The following SRRM4 variants were observed in gnomAD, a reference collection of about 807,000 sequenced individuals.
The protein encoded by SRRM4 is serine/arginine repetitive matrix 4, also known as serine/arginine repetitive matrix protein 4.
Under a neutral mutation model 68.9 loss-of-function variants are expected in SRRM4, and 33 were observed. That is an observed-to-expected ratio of 0.48 (90% CI 0.36 to 0.64). SRRM4 has a LOEUF of 0.64. Among genes scored for constraint, SRRM4 ranks in the 30% least tolerant of loss-of-function variants. SRRM4 has a pLI of 0.00. For missense variants in SRRM4, 817 were observed against 827.1 expected, an observed-to-expected ratio of 0.99 and a Z score of 0.15; for synonymous variants, 318 against 318.8, an observed-to-expected ratio of 1.00 and a Z score of 0.03.
chr12:119,105,610 A>G (rs1281518396), intron 2 of SRRM4, among the ~76,000 whole-genome samples: 1 of 152,140 alleles, frequency 6.6e-6, no homozygotes, highest in Non-Finnish European at 1.5e-5. Context: ...TGGCTGCATA[A>G]ATGTCTTCTT....
chr12:119,123,973 A>G (rs1277048851), intron 6 of SRRM4, among the ~76,000 whole-genome samples: 2 of 152,220 alleles, frequency 1.3e-5, no homozygotes, highest in Non-Finnish European at 2.9e-5. Flanking sequence ...CGCAGGAGGC[A>G]GCATCTAAGC....
At chr12:119,026,524 A>C (rs1953549249) in intron 1 of SRRM4, among the ~76,000 whole-genome samples, 1 of 151,910 alleles carries the variant, frequency 6.6e-6, no homozygotes, top group African/African-American at 2.4e-5. Context: ...TTCTAAATTA[A>C]TTAATGTTTT....
chr12:119,151,711 G>C (rs903480488), intron 10 of SRRM4, among the ~76,000 whole-genome samples: 1 of 152,086 alleles, frequency 6.6e-6, no homozygotes, highest in African/African-American at 2.4e-5. Flanking sequence ...TTGGCTGGGG[G>C]CTGGAGAGTT....
intron 7 of SRRM4, among the ~76,000 whole-genome samples, chr12:119,128,785 C>T (rs887551549): frequency 1.3e-5 from 2 of 152,248 alleles, no homozygotes; most frequent in African/African-American, 4.8e-5. Context: ...CTAAGCCCTA[C>T]TGGCCTGGGC....
chr12:119,130,401 G>A (rs1354478848), intron 7 of SRRM4, among the ~76,000 whole-genome samples: 2 of 127,352 alleles, frequency 1.6e-5, no homozygotes, highest in African/African-American at 2.8e-5. Flanking sequence ...ATAGATGGTT[G>A]CTTAGACAGA....
intron 1 of SRRM4, among the ~76,000 whole-genome samples, chr12:118,986,898 T>TA (rs368198677): frequency 1.1e-4 from 17 of 150,076 alleles, no homozygotes; most frequent in East Asian, 7.8e-4. Context: ...AGCAATACAT[T>TA]AAAAAAAAAA....
At position 119,125,436 on chromosome 12, in the gene SRRM4, C is replaced by A; in HGVS notation, c.571C>A (p.Arg191=). The A allele has an allele frequency of 1.2e-6, 2 of 1,613,550 alleles. No individual in the cohort carries two copies. The highest frequency in any genetic ancestry group is 1.7e-6 in the Non-Finnish European group (2 of 1,179,712). Residue 191 remains arginine, a synonymous_variant, in exon 7 of 13, where the codon CGG becomes AGG. Coordinates refer to ENST00000267260, the MANE Select transcript of SRRM4 (RefSeq NM_194286.4). ...HRHRHHRCPS[R]SQSSESRPSS... The stretch of plus-strand genomic sequence containing the variant: ...CCACCGCCATCACCGCTGCCCCTCG[C>A]GGTCCCAGAGCTCGGAGTCCCGCCC...
In SRRM4 at chr12:119,161,931, C is replaced by A; in HGVS notation, c.*5133C>A. On this transcript the variant is annotated 3_prime_UTR_variant, in exon 13 of 13. Transcript: ENST00000267260. The stretch of plus-strand genomic sequence containing the variant: ...TTGTAAACTCTTTTTTTTTTCTGGC[C>A]AAGGAAAGCTATGCCTCATCTTCTA... 1 of 149,732 alleles carries A rather than the reference C, an allele frequency of 6.7e-6. No homozygotes were observed. The highest frequency in any genetic ancestry group is 2.5e-5 in the African/African-American group (1 of 40,742). 9.3% of individuals were successfully genotyped at this position (149,732 alleles called of 1,614,324 possible).
intron 1 of SRRM4, among the ~76,000 whole-genome samples, chr12:119,063,172 A>G (rs544252373): frequency 6.6e-6 from 1 of 152,294 alleles, no homozygotes; most frequent in South Asian, 2.1e-4. Context: ...TCAAAGATGA[A>G]CAAGCCACAG....
chr12:119,014,404 T>C (rs1463043782), intron 1 of SRRM4, among the ~76,000 whole-genome samples: 1 of 152,122 alleles, frequency 6.6e-6, no homozygotes, highest in Non-Finnish European at 1.5e-5. Flanking sequence ...CCCACCTCTC[T>C]ACCAAGAATG....
chr12:118,994,082 A>T (rs970941089), intron 1 of SRRM4: 3 of 152,164 alleles, frequency 2.0e-5, no homozygotes, highest in African/African-American at 7.2e-5. Flanking sequence ...CTAAACTCCC[A>T]TGCTGATCAG....
chr12:119,075,110 A>G (rs887094516), intron 1 of SRRM4, among the ~76,000 whole-genome samples: 7 of 152,180 alleles, frequency 4.6e-5, no homozygotes, highest in Non-Finnish European at 8.8e-5. Context: ...GGTGAAAGTC[A>G]AAAACCAGTG....
intron 1 of SRRM4, among the ~76,000 whole-genome samples, chr12:119,066,046 C>T (rs1953843927): frequency 6.6e-6 from 1 of 152,066 alleles, no homozygotes; most frequent in Non-Finnish European, 1.5e-5. Context: ...CCTCAATATG[C>T]CTTATGGAAT....
At chr12:119,064,245 C>T (rs562335145) in intron 1 of SRRM4, among the ~76,000 whole-genome samples, 7 of 152,274 alleles carry the variant, frequency 4.6e-5, no homozygotes, top group Non-Finnish European at 8.8e-5. Flanking sequence ...CTGGTAACTA[C>T]GTGCTTACAA....
At chr12:119,100,035 G>C (rs903230020) in intron 1 of SRRM4, among the ~76,000 whole-genome samples, 5 of 152,208 alleles carry the variant, frequency 3.3e-5, no homozygotes, top group African/African-American at 1.2e-4. Flanking sequence ...AAGAATCTAA[G>C]AACACATTCT....
In SRRM4 at chr12:119,160,149, C is replaced by T. The variant is rs1954501328; in HGVS notation, c.*3351C>T. ...GCAACATCCCTGGTTGTTTCCCTGG[C>T]AATGTGACTATCCAGCCCTAACCCA... On this transcript the variant is annotated 3_prime_UTR_variant, in exon 13 of 13. Transcript: ENST00000267260. 6.6e-6 allele frequency: 1 copy of T among 152,198 alleles called. No homozygotes were observed. Among genetic ancestry groups the T allele is most frequent in the Non-Finnish European group, 1.5e-5 (1 of 68,048 alleles). 9.4% of individuals were successfully genotyped at this position (152,198 alleles called of 1,614,324 possible). A position where few individuals can be genotyped will look rare whatever the true frequency, so the allele number is the denominator to read the frequency against.
At chr12:119,052,555 G>A (rs1002705810) in intron 1 of SRRM4, among the ~76,000 whole-genome samples, 6 of 152,044 alleles carry the variant, frequency 3.9e-5, no homozygotes, top group Non-Finnish European at 7.4e-5. Context: ...TTGAGACAGA[G>A]TCTCTCTCTG....
intron 1 of SRRM4, among the ~76,000 whole-genome samples, chr12:119,067,863 C>A (rs929254241): frequency 2.0e-5 from 3 of 152,158 alleles, no homozygotes; most frequent in Non-Finnish European, 2.9e-5. Context: ...GGAGGTAATA[C>A]AGTGGGTGGA....
At chr12:119,089,041 G>A (rs1433910147) in intron 1 of SRRM4, among the ~76,000 whole-genome samples, 1 of 152,100 alleles carries the variant, frequency 6.6e-6, no homozygotes, top group Non-Finnish European at 1.5e-5. Context: ...TTTTCAGCTC[G>A]AGTCTGCCTG....
Sources: gnomAD v4.1 joint callset for allele counts (sites outside exome capture counted in the v4.1 genomes callset) on GRCh38, gnomAD v4.1.1 for gene constraint, MANE v1.5 for transcripts, NCBI Gene and HGNC (gene_info 2026-07-23, HGNC 2026-07-21) for gene names.